NEGR1: variants seen among roughly 807,000 people sequenced by gnomAD.
NEGR1 encodes the protein neuronal growth regulator 1.
In NEGR1, 10 loss-of-function variants were observed where a neutral mutation model predicts 40.9. The ratio of observed to expected loss-of-function variants is 0.24; its 90% CI spans 0.15 to 0.42. The LOEUF is 0.42. Among genes scored for constraint, NEGR1 ranks in the 10% least tolerant of loss-of-function variants. The probability of loss-of-function intolerance (pLI) is 1.00; values close to 1 mark genes in which losing one functional copy is unlikely to be tolerated. For synonymous variants in NEGR1, 185 were observed against 166.8 expected (o/e 1.11, Z -0.84); for missense variants, 352 against 438.9 (o/e 0.80, Z 1.77).
chr1:72,248,704 T>A (rs1268073382), intron 1 of NEGR1, among the ~76,000 whole-genome samples: 1 of 151,110 alleles, frequency 6.6e-6, no homozygotes, highest in African/African-American at 2.4e-5. Context: ...GTTCTCAGCC[T>A]CCCTAGTAGC....
At chr1:72,089,845 T>C (rs745888703) in intron 1 of NEGR1, among the ~76,000 whole-genome samples, 1 of 152,102 alleles carries the variant, frequency 6.6e-6, no homozygotes, top group African/African-American at 2.4e-5. Context: ...AATTTTAAAT[T>C]TTGTTGAGAT....
intron 6 of NEGR1, chr1:71,488,167 A>G (rs1368452997): frequency 6.6e-6 from 1 of 151,930 alleles, no homozygotes; most frequent in African/African-American, 2.4e-5. Context: ...ATGGCTCTCA[A>G]GTTCACAGTG....
intron 4 of NEGR1, among the ~76,000 whole-genome samples, chr1:71,695,421 G>A (rs1188385566): frequency 6.6e-6 from 1 of 151,570 alleles, no homozygotes; most frequent in Non-Finnish European, 1.5e-5. Context: ...GCAATATGTC[G>A]ACTTATAACT....
chr1:72,069,903 AC>A (rs1490554919), intron 1 of NEGR1, among the ~76,000 whole-genome samples: 1 of 152,126 alleles, frequency 6.6e-6, no homozygotes, highest in African/African-American at 2.4e-5. Flanking sequence ...TTCTTCATGG[AC>A]ATCCAAGTTT....
At chr1:71,495,456 A>C (rs1383814537) in intron 6 of NEGR1, among the ~76,000 whole-genome samples, 1 of 150,526 alleles carries the variant, frequency 6.6e-6, no homozygotes, top group Admixed American at 6.6e-5. Flanking sequence ...CAGCCTGGGC[A>C]ATAGAGTGAG....
At chr1:72,110,915 G>T (rs1428175824) in intron 1 of NEGR1, among the ~76,000 whole-genome samples, 3 of 151,314 alleles carry the variant, frequency 2.0e-5, no homozygotes, top group Admixed American at 6.6e-5. Flanking sequence ...AAAAATACAG[G>T]TGTTTTCTTT....
rs1350359629 is a variant in NEGR1 at position 71,750,042 on chromosome 1, G to A, written c.535+26130C>T. On this transcript the variant is annotated intron_variant, in intron 3 of 6. Transcript: ENST00000357731. ...CGCTCTGTCGCCCAGGCCGGACTGC[G>A]GACTGCAGTGGCGCAATCTCGGCTC... Among the ~76,000 whole-genome samples, 4 of 146,022 alleles carry A rather than the reference G, an allele frequency of 2.7e-5. No individual in the cohort carries two copies. In the East Asian group the frequency reaches 6.4e-4, roughly 23 times the overall value.
chr1:72,098,640 C>A lies in NEGR1; in HGVS notation c.177-163329G>T, dbSNP rs1232877587. 3.9e-5 allele frequency among the ~76,000 whole-genome samples: 6 copies of A among 152,134 alleles called. No individual in the cohort carries two copies. In the East Asian group the frequency reaches 1.2e-3, roughly 29 times the overall value. On this transcript the variant is annotated intron_variant, in intron 1 of 6. Transcript: ENST00000357731. ...ACAGACAGTAAAATCTCTAAATACTCTTTCTCATTTTCCTATTTTGAGTAT... is the reference window on the plus strand; with the variant it reads ...ACAGACAGTAAAATCTCTAAATACTATTTCTCATTTTCCTATTTTGAGTAT...
At chr1:71,976,766 A>T (rs1646308356) in intron 1 of NEGR1, among the ~76,000 whole-genome samples, 1 of 152,180 alleles carries the variant, frequency 6.6e-6, no homozygotes, top group East Asian at 1.9e-4. Context: ...AATCACTTTA[A>T]TCTCACTGAC....
rs1020481754 is a variant in NEGR1 at position 71,400,834 on chromosome 1, A to C, written c.*6612T>G. The C allele has an allele frequency of 1.3e-5, 2 of 152,186 alleles. No individual in the cohort carries two copies. Among genetic ancestry groups the C allele is most frequent in the Non-Finnish European group, 2.9e-5 (2 of 68,068 alleles). 9.4% of individuals were successfully genotyped at this position (152,186 alleles called of 1,614,324 possible). ...GATCACTTGAGGTCAGGAGTTCTAG[A>C]CCAGACTGGCCAACATGGTGAAACC... On this transcript the variant is annotated 3_prime_UTR_variant, in exon 7 of 7. Coordinates refer to ENST00000357731, the MANE Select transcript of NEGR1 (RefSeq NM_173808.3).
At chr1:71,801,374 G>A (rs1054843516) in intron 2 of NEGR1, among the ~76,000 whole-genome samples, 1 of 152,138 alleles carries the variant, frequency 6.6e-6, no homozygotes. Flanking sequence ...ACTCTTCCCT[G>A]AATTGTAGAC....
intron 1 of NEGR1, among the ~76,000 whole-genome samples, chr1:72,141,891 C>G (rs1046803465): frequency 6.6e-6 from 1 of 151,784 alleles, no homozygotes; most frequent in Non-Finnish European, 1.5e-5. Flanking sequence ...CAAACAATGA[C>G]AGTTAATAGA....
intron 1 of NEGR1, among the ~76,000 whole-genome samples, chr1:72,166,448 T>C (rs1314837898): frequency 1.3e-5 from 2 of 152,006 alleles, no homozygotes; most frequent in African/African-American, 2.4e-5. Flanking sequence ...GAAAATGAAA[T>C]CAGTATTTCA....
chr1:71,944,686 C>A (rs191962121), intron 1 of NEGR1, among the ~76,000 whole-genome samples: 656 of 152,266 alleles, frequency 4.3e-3, no homozygotes, highest in African/African-American at 0.014. Flanking sequence ...AAAATGAATT[C>A]TGTTCCCCAC....
intron 1 of NEGR1, among the ~76,000 whole-genome samples, chr1:72,238,914 C>T (rs1224603583): frequency 1.3e-5 from 2 of 151,732 alleles, no homozygotes; most frequent in Admixed American, 1.3e-4. Context: ...ACCAGGGAAC[C>T]GGGGATCATA....
At chr1:71,673,404 CT>C (rs1221453353) in intron 4 of NEGR1, among the ~76,000 whole-genome samples, 1 of 151,860 alleles carries the variant, frequency 6.6e-6, no homozygotes, top group African/African-American at 2.4e-5. Context: ...TGTTTAATTC[CT>C]TTTTCATGTC....
At chr1:71,778,660 T>C (rs568893469) in intron 2 of NEGR1, among the ~76,000 whole-genome samples, 1 of 152,272 alleles carries the variant, frequency 6.6e-6, no homozygotes, top group African/African-American at 2.4e-5. Flanking sequence ...TAGTCTCGCC[T>C]AGCGACTTTA....
chr1:72,243,464 G>A (rs1301237209), intron 1 of NEGR1, among the ~76,000 whole-genome samples: 1 of 151,682 alleles, frequency 6.6e-6, no homozygotes, highest in East Asian at 1.9e-4. Context: ...TGACAAATCT[G>A]CACATGTACC....
chr1:72,097,652 C>T (rs1648754152), intron 1 of NEGR1, among the ~76,000 whole-genome samples: 1 of 152,180 alleles, frequency 6.6e-6, no homozygotes, highest in Admixed American at 6.5e-5. Flanking sequence ...TCATGCTTCG[C>T]AAAAGATTCA....
Sources: allele counts gnomAD v4.1 joint callset (sites outside exome capture counted in the v4.1 genomes callset), GRCh38; gene constraint gnomAD v4.1.1; transcripts MANE v1.5; gene names NCBI Gene and HGNC (gene_info 2026-07-23, HGNC 2026-07-21).